NIBAN1: variants seen among roughly 807,000 people sequenced by gnomAD.
NIBAN1 encodes the protein niban apoptosis regulator 1.
Under a neutral mutation model 75.1 loss-of-function variants are expected in NIBAN1, and 81 were observed. The observed-to-expected ratio is 1.08, with a 90% confidence interval of 0.90 to 1.30. The LOEUF (loss-of-function observed/expected upper bound fraction) is 1.30. Ranked by LOEUF, NIBAN1 falls within the 50% of genes most tolerant of loss-of-function variation. NIBAN1 has a pLI of 0.00. For missense variants in NIBAN1, 1,133 were observed against 1,128.1 expected (o/e 1.00, Z -0.06); for synonymous variants, 436 against 424.8 (o/e 1.03, Z -0.32).
chr1:184,897,834 G>A (rs1171628765), intron 2 of NIBAN1, among the ~76,000 whole-genome samples: 1 of 152,050 alleles, frequency 6.6e-6, no homozygotes, highest in Non-Finnish European at 1.5e-5. Flanking sequence ...AGTATGTTCT[G>A]TCAGCTCTAT....
intron 9 of NIBAN1, among the ~76,000 whole-genome samples, chr1:184,814,515 G>C (rs1654472398): frequency 6.6e-6 from 1 of 152,196 alleles, no homozygotes; most frequent in East Asian, 1.9e-4. Context: ...GAGACAGTCA[G>C]TTGGCCTCAT....
At chr1:184,958,561 A>T (rs1034180141) in intron 1 of NIBAN1, among the ~76,000 whole-genome samples, 1 of 152,236 alleles carries the variant, frequency 6.6e-6, no homozygotes, top group East Asian at 1.9e-4. Context: ...GGAATTTCTA[A>T]AAGAAACACT....
intron 1 of NIBAN1, among the ~76,000 whole-genome samples, chr1:184,925,525 A>AC (rs1244901428): frequency 9.0e-4 from 136 of 151,384 alleles, no homozygotes; most frequent in Non-Finnish European, 6.9e-4. Context: ...AGTGAAGATG[A>AC]TTTTTCTCCA....
chr1:184,915,173 T>A (rs2102010551), intron 1 of NIBAN1, among the ~76,000 whole-genome samples: 1 of 152,340 alleles, frequency 6.6e-6, no homozygotes, highest in Non-Finnish European at 1.5e-5. Context: ...AAGATTCTCC[T>A]GAGTTGCCTG....
chr1:184,834,495 T>A (rs1655086399), intron 5 of NIBAN1, among the ~76,000 whole-genome samples: 1 of 152,210 alleles, frequency 6.6e-6, no homozygotes, highest in Non-Finnish European at 1.5e-5. Flanking sequence ...CATCCCTATT[T>A]CTCCACATCC....
chr1:184,845,632 G>A (rs1442887991), intron 5 of NIBAN1, among the ~76,000 whole-genome samples: 1 of 28,084 alleles, frequency 3.6e-5, no homozygotes, highest in South Asian at 6.6e-4. Context: ...CAAGATGGCC[G>A]AATAGGAACA....
intron 5 of NIBAN1, among the ~76,000 whole-genome samples, chr1:184,843,551 G>T (rs1007420417): frequency 6.6e-6 from 1 of 152,184 alleles, no homozygotes; most frequent in African/African-American, 2.4e-5. Flanking sequence ...ACACCTGAAA[G>T]AGTTAATCTA....
intron 1 of NIBAN1, among the ~76,000 whole-genome samples, chr1:184,941,413 GC>G (rs1293797868): frequency 1.3e-5 from 2 of 152,084 alleles, no homozygotes; most frequent in Non-Finnish European, 2.9e-5. Context: ...ACTTTAGGAG[GC>G]CGAGGCAGGT....
chr1:184,937,391 C>T (rs1360911821), intron 1 of NIBAN1, among the ~76,000 whole-genome samples: 1 of 151,972 alleles, frequency 6.6e-6, no homozygotes, highest in Non-Finnish European at 1.5e-5. Context: ...TTCTATTGTC[C>T]CACTAGAACC....
At chr1:184,802,351 T>C (rs1209348516) in intron 12 of NIBAN1, among the ~76,000 whole-genome samples, 2 of 152,016 alleles carry the variant, frequency 1.3e-5, no homozygotes, top group African/African-American at 2.4e-5. Flanking sequence ...ACCTTTCTCC[T>C]GAGAGAAGGT....
chr1:184,795,297 T>G lies in NIBAN1; in HGVS notation c.2467A>C (p.Thr823Pro), dbSNP rs764743181. 9 of 1,612,496 alleles carry G rather than the reference T, an allele frequency of 5.6e-6. No homozygotes were observed. The East Asian group carries it at 1.6e-4, about 28-fold the overall frequency. The change falls in exon 14 of 14, where the codon ACT becomes CCT. Residue 823 changes from threonine to proline, a missense_variant. By Grantham distance (38) the Thr-to-Pro change is conservative (BLOSUM62 -1). Coordinates refer to ENST00000367511, the MANE Select transcript of NIBAN1 (RefSeq NM_052966.4). ...TTGCCCCCTCTTCCTTCATGGGCAG[T>G]GAGTGTGCAGGCCTCTCCTGGGAGC... ...GELPGEACTL[T>P]AHEGRGGKCT...
At chr1:184,836,901 T>C (rs75204821) in intron 5 of NIBAN1, among the ~76,000 whole-genome samples, 2,496 of 152,332 alleles carry the variant, frequency 0.016, 66 homozygotes, top group African/African-American at 0.056. Context: ...AGAACAAATC[T>C]GCTACATTGT....
intron 5 of NIBAN1, among the ~76,000 whole-genome samples, chr1:184,851,628 TAA>T (rs537374977): frequency 0.027 from 612 of 22,914 alleles, 139 homozygotes; most frequent in East Asian, 0.24. Context: ...TAGAGTATAA[TAA>T]AAAAAAAAAA....
At chr1:184,855,515 C>A (rs1440279511) in intron 5 of NIBAN1, among the ~76,000 whole-genome samples, 1 of 151,926 alleles carries the variant, frequency 6.6e-6, no homozygotes, top group African/African-American at 2.4e-5. Context: ...CAGTTCTAGG[C>A]TGGGCATAGT....
intron 9 of NIBAN1, among the ~76,000 whole-genome samples, chr1:184,815,693 C>G (rs987615161): frequency 6.6e-6 from 1 of 152,180 alleles, no homozygotes; most frequent in African/African-American, 2.4e-5. Context: ...TAGCCTTATA[C>G]TTTAATAGAT....
intron 1 of NIBAN1, among the ~76,000 whole-genome samples, chr1:184,928,498 C>A (rs768156104): frequency 8.5e-5 from 13 of 152,174 alleles, no homozygotes; most frequent in Non-Finnish European, 1.8e-4. Context: ...CTTGCCAGCA[C>A]TCAGGTTCTG....
rs1654764193 is a variant in NIBAN1 at position 184,823,633 on chromosome 1, C to T, written c.822+5G>A. On this transcript the variant is annotated splice_donor_5th_base_variant and intron_variant, in intron 7 of 13. Coordinates refer to ENST00000367511, the MANE Select transcript of NIBAN1 (RefSeq NM_052966.4). ...GCTCAGTTGTAGAGCAAAACCATTG[C>T]TTACACCAAGCCACGTCCTCTTTCT... 3 of 1,614,044 alleles carry T rather than the reference C, an allele frequency of 1.9e-6. No homozygotes were observed. The highest frequency in any genetic ancestry group is 4.5e-5 in the East Asian group (2 of 44,878).
chr1:184,853,039 TA>T (rs1409614917), intron 5 of NIBAN1, among the ~76,000 whole-genome samples: 6 of 152,142 alleles, frequency 3.9e-5, no homozygotes, highest in African/African-American at 9.7e-5. Flanking sequence ...AATATTCAAA[TA>T]AAAAAATTCA....
intron 5 of NIBAN1, among the ~76,000 whole-genome samples, chr1:184,839,584 T>C (rs1655228087): frequency 6.6e-6 from 1 of 151,928 alleles, no homozygotes; most frequent in Admixed American, 6.6e-5. Flanking sequence ...CGTGTGTGTG[T>C]GTGTTGTTCC....
Sources: gnomAD v4.1 joint callset for allele counts (sites outside exome capture counted in the v4.1 genomes callset) on GRCh38, gnomAD v4.1.1 for gene constraint, MANE v1.5 for transcripts, NCBI Gene and HGNC (gene_info 2026-07-23, HGNC 2026-07-21) for gene names.